TTC34: variants seen among roughly 807,000 people sequenced by gnomAD.
TTC34 encodes the protein tetratricopeptide repeat protein 34.
TTC34 carries 44 observed loss-of-function variants against 40.7 expected under a neutral mutation model. The ratio of observed to expected loss-of-function variants is 1.08; its 90% CI spans 0.85 to 1.39. The LOEUF (loss-of-function observed/expected upper bound fraction) is 1.39. Ranked by LOEUF, TTC34 falls within the 40% of genes most tolerant of loss-of-function variation. The pLI, the probability that TTC34 is intolerant of heterozygous loss-of-function variation, is 0.00. For synonymous variants in TTC34, 422 were observed against 398.6 expected (o/e 1.06, Z -0.70); for missense variants, 884 against 838.0 (o/e 1.05, Z -0.68).
intron 6 of TTC34, among the ~76,000 whole-genome samples, chr1:2,783,318 C>A (rs1354714757): frequency 6.6e-6 from 1 of 152,234 alleles, no homozygotes. Context: ...CCTGCATGCA[C>A]TGAGCATTAT....
At chr1:2,687,500 C>G (rs1640418691) in intron 6 of TTC34, among the ~76,000 whole-genome samples, 2 of 148,280 alleles carry the variant, frequency 1.3e-5, no homozygotes. Flanking sequence ...AGGCGAGCAT[C>G]TGACATCCTT....
At chr1:2,643,657 G>GT (rs1638959521) in intron 8 of TTC34, among the ~76,000 whole-genome samples, 1 of 152,206 alleles carries the variant, frequency 6.6e-6, no homozygotes, top group South Asian at 2.1e-4. Context: ...CAGCTCGGGG[G>GT]GGGCAGCGGC....
chr1:2,643,181 C>A (rs1434555042), intron 8 of TTC34, among the ~76,000 whole-genome samples: 1 of 152,200 alleles, frequency 6.6e-6, no homozygotes, highest in African/African-American at 2.4e-5. Context: ...CCCCTGAGCC[C>A]GCGGCTCGGG....
chr1:2,769,632 C>T (rs1404933811), intron 6 of TTC34, among the ~76,000 whole-genome samples: 1 of 142,978 alleles, frequency 7.0e-6, no homozygotes, highest in Admixed American at 6.9e-5. Flanking sequence ...CACCCACACC[C>T]CCAGGTGAGC....
At chr1:2,687,161 A>C (rs1640399462) in intron 6 of TTC34, among the ~76,000 whole-genome samples, 1 of 139,900 alleles carries the variant, frequency 7.1e-6, no homozygotes, top group African/African-American at 3.1e-5. Context: ...AACAGTACCC[A>C]CACACACAGG....
At chr1:2,700,176 A>T (rs1354037826) in intron 6 of TTC34, among the ~76,000 whole-genome samples, 3 of 94,046 alleles carry the variant, frequency 3.2e-5, no homozygotes, top group Non-Finnish European at 2.5e-5. Context: ...ATACTCCCCC[A>T]GGTGAGCATC....
chr1:2,785,894 G>A (rs1048739252), exon 5 of TTC34: 91 of 1,537,700 alleles, frequency 5.9e-5, no homozygotes, highest in Admixed American at 8.0e-5. Context: ...CCGCCTGGCC[G>A]TGCCCGCAGG....
chr1:2,646,496 C>T (rs1156367080), intron 6 of TTC34, among the ~76,000 whole-genome samples: 1 of 152,158 alleles, frequency 6.6e-6, no homozygotes, highest in African/African-American at 2.4e-5. Context: ...GTGATCCTCC[C>T]ACTTCTGCCT....
chr1:2,644,887 G>A (rs761226128), intron 7 of TTC34, among the ~76,000 whole-genome samples: 1 of 152,202 alleles, frequency 6.6e-6, no homozygotes, highest in Non-Finnish European at 1.5e-5. Context: ...CCAGGGGGAT[G>A]TGGAAATCCG....
chr1:2,786,131 G>A, intron 4 of TTC34, 108 bp from the exon 5 acceptor site: 12 of 1,053,450 alleles, frequency 1.1e-5, no homozygotes, highest in South Asian at 2.3e-5. Flanking sequence ...CTGCCCCAGG[G>A]TCCACCTGGT....
intron 6 of TTC34, among the ~76,000 whole-genome samples, chr1:2,686,284 C>G (rs1330054391): frequency 2.3e-4 from 34 of 146,224 alleles, no homozygotes; most frequent in African/African-American, 8.7e-4. Flanking sequence ...CCCACACCCC[C>G]AGGCGAGCAT....
chr1:2,748,473 C>A (rs1641217395), intron 6 of TTC34, among the ~76,000 whole-genome samples: 1 of 4,750 alleles, frequency 2.1e-4, no homozygotes. Flanking sequence ...TGGAAGAGCA[C>A]CCCACATCCC....
rs764743371 is a variant in TTC34 at position 2,645,149 on chromosome 1, C to A, written c.2497+144G>T. On this transcript the variant is annotated intron_variant, in intron 7 of 8. Transcript: ENST00000401095. The surrounding 1 kb of genome is among the most constrained non-coding windows in gnomAD (Gnocchi z 4.7). ...TCACACAGGGAGCAGGGCCAGAGGT[C>A]ATGGGATTTGGGGTGGAAGGGACCT... The A allele has an allele frequency of 9.8e-7, 1 of 1,022,582 alleles. No homozygotes were observed. The highest frequency in any genetic ancestry group is 3.5e-5 in the Admixed American group (1 of 28,378). The allele number at this position is 1,022,582 out of a possible 1,614,324, so 63.3% of individuals were successfully genotyped here. A position where few individuals can be genotyped will look rare whatever the true frequency, so the allele number is the denominator to read the frequency against.
At position 2,767,839 on chromosome 1, in the gene TTC34, A is replaced by G. The variant is rs892136192; in HGVS notation, c.2226+15770T>C. Among the ~76,000 whole-genome samples the G allele has an allele frequency of 8.7e-5, 13 of 150,176 alleles. 1 individual carries two copies. Among genetic ancestry groups the G allele is most frequent in the South Asian group, 4.3e-4 (2 of 4,638 alleles). ...TGAGCATCTGACAGCCTGGAGCAGCACCCACACCCCCAGGTGTGCATCTGA... is the reference window on the plus strand; with the variant it reads ...TGAGCATCTGACAGCCTGGAGCAGCGCCCACACCCCCAGGTGTGCATCTGA... On this transcript the variant is annotated intron_variant, in intron 6 of 8. Transcript: ENST00000401095.
intron 6 of TTC34, among the ~76,000 whole-genome samples, chr1:2,768,875 T>G (rs1291950440): frequency 1.1e-5 from 1 of 90,646 alleles, no homozygotes; most frequent in Non-Finnish European, 2.2e-5. Context: ...GGTGAGCATT[T>G]GACAGCCCGG....
intron 5 of TTC34, among the ~76,000 whole-genome samples, chr1:2,784,137 A>AG (rs1374047375): frequency 2.0e-5 from 3 of 152,106 alleles, no homozygotes; most frequent in South Asian, 2.1e-4. Context: ...ATACAAGACG[A>AG]GGGGGGCAGG....
In TTC34 at chr1:2,796,263, A is replaced by G. The variant is rs1643709423; in HGVS notation, c.784+3781T>C. Among the ~76,000 whole-genome samples, 2 of 152,208 alleles carry G rather than the reference A, an allele frequency of 1.3e-5. No homozygotes were observed. The highest frequency in any genetic ancestry group is 4.8e-5 in the African/African-American group (2 of 41,460). ...ACAAATGGAGCGACTGGTTTGTGCAATGTTTCCAAGGACTTTGGAAAGTAA... is the reference window on the plus strand; with the variant it reads ...ACAAATGGAGCGACTGGTTTGTGCAGTGTTTCCAAGGACTTTGGAAAGTAA... On this transcript the variant is annotated intron_variant, in intron 2 of 8. Transcript: ENST00000401095. The surrounding 1 kb of genome is among the most constrained non-coding windows in gnomAD (Gnocchi z 4.5).
intron 6 of TTC34, among the ~76,000 whole-genome samples, chr1:2,775,856 G>A (rs1475846289): frequency 2.8e-5 from 4 of 143,782 alleles, no homozygotes; most frequent in Admixed American, 2.0e-4. Context: ...GCTCACCTGA[G>A]GTTGGGAGTG....
chr1:2,641,290 G>A, exon 9 of TTC34: 1 of 1,420,494 alleles, frequency 7.0e-7, no homozygotes, highest in Non-Finnish European at 9.2e-7. Context: ...AGGGAGCTGG[G>A]TACACCCCTG....
Sources: allele counts gnomAD v4.1 joint callset (sites outside exome capture counted in the v4.1 genomes callset), GRCh38; gene constraint gnomAD v4.1.1; non-coding constraint Gnocchi (gnomAD v3.1); transcripts MANE v1.5; gene names NCBI Gene and HGNC (gene_info 2026-07-23, HGNC 2026-07-21).